The following SEMA5A variants were observed in gnomAD, a reference collection of about 807,000 sequenced individuals.
The protein encoded by SEMA5A is semaphorin 5A.
In SEMA5A, 55 loss-of-function variants were observed where a neutral mutation model predicts 135.5. The observed-to-expected ratio is 0.41, with a 90% CI of 0.33 to 0.51. The LOEUF (loss-of-function observed/expected upper bound fraction) is 0.51. SEMA5A is among the 20% of genes least tolerant of loss of function. SEMA5A has a pLI of 0.37. For missense variants in SEMA5A, 1,290 were observed against 1,419.9 expected, an observed-to-expected ratio of 0.91 and a Z score of 1.47; for synonymous variants, 580 against 546.5, an observed-to-expected ratio of 1.06 and a Z score of -0.85.
chr5:9,441,940 G>A (rs1579546620), intron 1 of SEMA5A, among the ~76,000 whole-genome samples: 1 of 152,338 alleles, frequency 6.6e-6, no homozygotes, highest in East Asian at 1.9e-4. Context: ...GGTTCAGTGG[G>A]ATGTCAGGAT....
At chr5:9,198,890 G>T (rs924986437) in intron 9 of SEMA5A, among the ~76,000 whole-genome samples, 1 of 152,128 alleles carries the variant, frequency 6.6e-6, no homozygotes, top group African/African-American at 2.4e-5. Context: ...GCAAATGGGG[G>T]ATATTACGAA....
At chr5:9,530,998 G>A (rs936494681) in intron 1 of SEMA5A, among the ~76,000 whole-genome samples, 1 of 152,166 alleles carries the variant, frequency 6.6e-6, no homozygotes, top group Non-Finnish European at 1.5e-5. Context: ...TTCCCAGAAA[G>A]GTCAGCCTCC....
At chr5:9,398,547 T>C (rs1458392619) in intron 2 of SEMA5A, among the ~76,000 whole-genome samples, 1 of 152,200 alleles carries the variant, frequency 6.6e-6, no homozygotes, top group African/African-American at 2.4e-5. Flanking sequence ...AATAATTTCC[T>C]AACAGACAAG....
chr5:9,220,544 A>G (rs796166734), intron 8 of SEMA5A, among the ~76,000 whole-genome samples: 2 of 152,318 alleles, frequency 1.3e-5, no homozygotes, highest in African/African-American at 4.8e-5. Context: ...ATAGAAAACT[A>G]AGAAAAAAAC....
chr5:9,107,235 A>T (rs1229519466), intron 16 of SEMA5A, among the ~76,000 whole-genome samples: 4 of 152,198 alleles, frequency 2.6e-5, no homozygotes, highest in Non-Finnish European at 5.9e-5. Context: ...CAGGTGAGTA[A>T]GGGGAAATGC....
chr5:9,115,698 C>T (rs2150170775), intron 15 of SEMA5A, among the ~76,000 whole-genome samples: 1 of 152,184 alleles, frequency 6.6e-6, no homozygotes, highest in East Asian at 1.9e-4. Context: ...ATGCATTCAG[C>T]ATGTGAGGGG....
chr5:9,312,677 T>C (rs979317481), intron 5 of SEMA5A, among the ~76,000 whole-genome samples: 3 of 152,132 alleles, frequency 2.0e-5, no homozygotes, highest in African/African-American at 7.2e-5. Context: ...CAATTCCTGC[T>C]CAAATCTTCA....
chr5:9,221,455 A>G (rs1182637961), intron 8 of SEMA5A, among the ~76,000 whole-genome samples: 2 of 151,102 alleles, frequency 1.3e-5, no homozygotes, highest in East Asian at 1.9e-4. Flanking sequence ...GGCGCCCACC[A>G]CCACGCCCGG....
chr5:9,202,370 G>GA, intron 8 of SEMA5A, 130 bp from the exon 9 acceptor site: 1 of 776,864 alleles, frequency 1.3e-6, no homozygotes, highest in Non-Finnish European at 1.9e-6. Context: ...TAGGACTATT[G>GA]GGAGGCCCCG....
chr5:9,044,825 C>T (rs561262276), intron 21 of SEMA5A, among the ~76,000 whole-genome samples: 2 of 152,168 alleles, frequency 1.3e-5, no homozygotes, highest in South Asian at 4.1e-4. Flanking sequence ...ACTCTTGTTG[C>T]CCAGGCTGGA....
rs541455948 is a variant in SEMA5A at position 9,130,120 on chromosome 5, T to A, written c.1599+6384A>T. Among the ~76,000 whole-genome samples, 7 of 152,350 alleles carry A rather than the reference T, an allele frequency of 4.6e-5. No individual in the cohort carries two copies. The South Asian group carries it at 1.2e-3, about 27-fold the overall frequency. ...GATTCAATTTTGTTACCAAGCACCA[T>A]CTACAATCCTATATTTGATTTGTTC... is the stretch of plus-strand genomic sequence containing the variant. On this transcript the variant is annotated intron_variant, in intron 13 of 22. Coordinates refer to ENST00000382496, the MANE Select transcript of SEMA5A (RefSeq NM_003966.3).
At position 9,037,928 on chromosome 5, in the gene SEMA5A, T is replaced by C. The variant is rs1299981578; in HGVS notation, c.*4969A>G. ...ACATTGTGCATGGCATTCCCTTTTATGCGTTTCTTAGGTCAAAGTGAACAT... is the reference window on the plus strand; with the variant it reads ...ACATTGTGCATGGCATTCCCTTTTACGCGTTTCTTAGGTCAAAGTGAACAT... On this transcript the variant is annotated 3_prime_UTR_variant, in exon 23 of 23. Transcript: ENST00000382496. The C allele has an allele frequency of 6.6e-6, 1 of 152,246 alleles. No homozygotes were observed. Among genetic ancestry groups the C allele is most frequent in the Non-Finnish European group, 1.5e-5 (1 of 68,042 alleles). The allele number at this position is 152,246 out of a possible 1,614,324, so 9.4% of individuals were successfully genotyped here. A position where few individuals can be genotyped will look rare whatever the true frequency, so the allele number is the denominator to read the frequency against.
rs141608386 is a variant in SEMA5A, at chr5:9,348,944, A to G, written c.125-11132T>C. 2.6e-4 allele frequency among the ~76,000 whole-genome samples: 40 copies of G among 152,356 alleles called. 1 individual carries two copies. The highest frequency in any genetic ancestry group is 7.0e-4 in the African/African-American group (29 of 41,582). On this transcript the variant is annotated intron_variant, in intron 3 of 22. Coordinates refer to ENST00000382496, the MANE Select transcript of SEMA5A (RefSeq NM_003966.3). ...GCCAGACCTCAGCTTTAAGACAATA[A>G]ATCATTTGCTTAAGGAAAATCTCTT...
chr5:9,291,713 G>A (rs1751089387), intron 5 of SEMA5A, among the ~76,000 whole-genome samples: 1 of 150,910 alleles, frequency 6.6e-6, no homozygotes, highest in African/African-American at 2.4e-5. Flanking sequence ...AGTCCAAGCA[G>A]CCTCATCTGA....
At chr5:9,456,912 C>T (rs1371929069) in intron 1 of SEMA5A, among the ~76,000 whole-genome samples, 1 of 152,154 alleles carries the variant, frequency 6.6e-6, no homozygotes, top group Non-Finnish European at 1.5e-5. Flanking sequence ...CTGCCCTGCT[C>T]GCACTTTTCT....
chr5:9,201,016 C>T (rs1337136919), intron 9 of SEMA5A, among the ~76,000 whole-genome samples: 3 of 152,168 alleles, frequency 2.0e-5, no homozygotes, highest in Non-Finnish European at 4.4e-5. Flanking sequence ...TCAGCACTTC[C>T]AACCCATCCA....
At chr5:9,250,915 C>T (rs190503549) in intron 5 of SEMA5A, among the ~76,000 whole-genome samples, 2 of 152,108 alleles carry the variant, frequency 1.3e-5, no homozygotes, top group Non-Finnish European at 2.9e-5. Flanking sequence ...ATTAGTATTA[C>T]ATTTTTCTTA....
At chr5:9,122,571 G>T in intron 14 of SEMA5A, 85 bp downstream of exon 14, 3 of 1,328,646 alleles carry the variant, frequency 2.3e-6, no homozygotes, top group Non-Finnish European at 3.0e-6. Flanking sequence ...CCAAAAGGGA[G>T]TTATATTATA....
intron 4 of SEMA5A, among the ~76,000 whole-genome samples, chr5:9,325,595 T>A (rs1752835294): frequency 6.6e-6 from 1 of 151,024 alleles, no homozygotes; most frequent in Non-Finnish European, 1.5e-5. Context: ...AGTGGGGACC[T>A]TAATAGATGA....
Sources: gnomAD v4.1 joint callset for allele counts (sites outside exome capture counted in the v4.1 genomes callset) on GRCh38, gnomAD v4.1.1 for gene constraint, MANE v1.5 for transcripts, NCBI Gene and HGNC (gene_info 2026-07-23, HGNC 2026-07-21) for gene names.